Variants in ARHGEF17 observed in about 807,000 individuals in gnomAD.
The protein encoded by ARHGEF17 is 164 kDa Rho-specific guanine-nucleotide exchange factor.
ARHGEF17 carries 80 observed loss-of-function variants against 174.0 expected under a neutral mutation model. The observed-to-expected ratio is 0.46, with a 90% CI of 0.38 to 0.55. The LOEUF (loss-of-function observed/expected upper bound fraction) is 0.55. Among genes scored for constraint, ARHGEF17 ranks in the 20% least tolerant of loss-of-function variants. The pLI is 0.00. For synonymous variants in ARHGEF17, 1,311 were observed against 1,189.1 expected (o/e 1.10, Z -2.11); for missense variants, 2,886 against 2,839.7 (o/e 1.02, Z -0.37).
At chr11:73,347,218 C>T (rs1183963410) in intron 2 of ARHGEF17, 3 of 554,816 alleles carry the variant, frequency 5.4e-6, no homozygotes, top group Non-Finnish European at 9.8e-6. Flanking sequence ...TTCCACGTCC[C>T]CCTGGCAACC....
intron 1 of ARHGEF17, among the ~76,000 whole-genome samples, chr11:73,345,226 T>A (rs1054624922): frequency 6.6e-6 from 1 of 152,100 alleles, no homozygotes; most frequent in South Asian, 2.1e-4. Context: ...TCTGCTTGTC[T>A]CCAGAGGCTC....
In ARHGEF17 at chr11:73,311,137, C is replaced by A; in HGVS notation, c.2499C>A (p.Arg833=). The A allele has an allele frequency of 6.3e-7, 1 of 1,599,204 alleles. No homozygotes were observed. Among genetic ancestry groups the A allele is most frequent in the East Asian group, 2.2e-5 (1 of 44,588 alleles). ...AGAAATCCCTGAGTGACCCCAGCCG[C>A]CGTGGGGAGCTGGCTGGGCCTGGAT... The part of the protein sequence containing the change: ...PKKKSLSDPS[R]RGELAGPGFE... Residue 833 remains arginine (R), a synonymous_variant, in exon 1 of 21, where the codon CGC becomes CGA. Coordinates refer to ENST00000263674, the MANE Select transcript of ARHGEF17 (RefSeq NM_014786.4).
intron 1 of ARHGEF17, among the ~76,000 whole-genome samples, chr11:73,322,148 C>T (rs1488203316): frequency 6.6e-6 from 1 of 152,164 alleles, no homozygotes; most frequent in African/African-American, 2.4e-5. Flanking sequence ...TGGGGAGGGA[C>T]GCCTTCCCCC....
In ARHGEF17 at chr11:73,356,270, G is replaced by C; in HGVS notation, c.3759G>C (p.Lys1253Asn). Residue 1253 changes from lysine to asparagine, a missense_variant, in exon 6 of 21, where the codon AAG becomes AAC. By Grantham distance (94) the Lys-to-Asn change is moderately conservative (BLOSUM62 0). This residue lies in a region of ARHGEF17 where 353 missense variants were observed against 470.3 expected (regional missense o/e 0.75). Coordinates refer to ENST00000263674, the MANE Select transcript of ARHGEF17 (RefSeq NM_014786.4). ...NIKQVAERIN[K>N]GVRSAEEAER... ...AGCAGGTGGCTGAGCGCATCAACAA[G>C]GGTGTGCGGAGTGCCGAGGAGGCGG... is the stretch of plus-strand genomic sequence containing the variant. 1 of 1,613,876 alleles carries C rather than the reference G, an allele frequency of 6.2e-7. No individual in the cohort carries two copies. The highest frequency in any genetic ancestry group is 8.5e-7 in the Non-Finnish European group (1 of 1,180,032).
At position 73,362,625 on chromosome 11, in the gene ARHGEF17, C is replaced by T; in HGVS notation, c.4887C>T (p.Arg1629=). 6.2e-7 allele frequency: 1 copy of T among 1,611,490 alleles called. No individual in the cohort carries two copies. Among genetic ancestry groups the T allele is most frequent in the Non-Finnish European group, 8.5e-7 (1 of 1,180,004 alleles). ...CGGGCCTCGGCGAGGGTGACCCCCG[C>T]CCAGAGCTGGTGCCCTTTGACAGTG... The part of the protein sequence containing the change: ...MTPGLGEGDP[R]PELVPFDSDS... The change falls in exon 14 of 21, where the codon CGC becomes CGT. Residue 1629 remains arginine (R), a synonymous_variant. Coordinates refer to ENST00000263674, the MANE Select transcript of ARHGEF17 (RefSeq NM_014786.4).
At chr11:73,343,022 G>A (rs1461044873) in intron 1 of ARHGEF17, 1 of 259,650 alleles carries the variant, frequency 3.9e-6, no homozygotes, top group Non-Finnish European at 7.3e-6. Flanking sequence ...TGCGGCTGCC[G>A]CCGCGGCCGG....
intron 1 of ARHGEF17, among the ~76,000 whole-genome samples, chr11:73,334,933 G>A (rs568607520): frequency 1.3e-5 from 2 of 152,238 alleles, no homozygotes; most frequent in East Asian, 3.8e-4. Flanking sequence ...GAGGCTGAAC[G>A]GTGGTGGTCC....
intron 2 of ARHGEF17, among the ~76,000 whole-genome samples, 196 bp from the exon 3 acceptor site, chr11:73,352,634 G>C (rs956170895): frequency 3.9e-5 from 6 of 152,188 alleles, no homozygotes; most frequent in African/African-American, 1.4e-4. Flanking sequence ...CAGGCCCTGG[G>C]CTCAGCGATG....
rs1207268148 is a variant in ARHGEF17, at chr11:73,355,605, C to T, written c.3526C>T (p.Arg1176Cys). The T allele has an allele frequency of 1.9e-6, 3 of 1,614,168 alleles. No individual in the cohort carries two copies. Among genetic ancestry groups the T allele is most frequent in the South Asian group, 2.2e-5 (2 of 91,084 alleles). ...DNFLNAKDAVRVAKEARPAFL... is the reference protein window; with the variant it reads ...DNFLNAKDAVCVAKEARPAFL... ...CTTCCTCAATGCAAAGGATGCTGTG[C>T]GTGTGGCCAAGGAGGCGAGGCCTGC... Residue 1176 changes from arginine to cysteine, a missense_variant, in exon 4 of 21, where the codon CGT (arginine) becomes TGT (cysteine). Around this residue, in one of 4 missense-constraint regions of ARHGEF17, gnomAD observed 353 missense variants for 470.3 expected, o/e 0.75. Coordinates refer to ENST00000263674, the MANE Select transcript of ARHGEF17 (RefSeq NM_014786.4).
chr11:73,347,286 C>G (rs1183179871), intron 2 of ARHGEF17: 2 of 440,888 alleles, frequency 4.5e-6, no homozygotes, highest in Non-Finnish European at 8.4e-6. Flanking sequence ...ATTGTATTCA[C>G]TGACTGGGAA....
In ARHGEF17 at chr11:73,308,908, C is replaced by A; in HGVS notation, c.270C>A (p.Asp90Glu). The A allele has an allele frequency of 7.3e-7, 1 of 1,364,304 alleles. No homozygotes were observed. Among genetic ancestry groups the A allele is most frequent in the Non-Finnish European group, 9.4e-7 (1 of 1,064,924 alleles). 84.5% of individuals were successfully genotyped at this position (1,364,304 alleles called of 1,614,324 possible). A position where few individuals can be genotyped will look rare whatever the true frequency, so the allele number is the denominator to read the frequency against. ...TTCGCCAGCTCTCCCGGCGCTTCGA[C>A]GCGCCGCGTCTGGACGACGGCTCCG... ...PSVRQLSRRF[D>E]APRLDDGSAG... is the part of the protein sequence containing the mutation. The change falls in exon 1 of 21, where the codon GAC (aspartate) becomes GAA (glutamate). Residue 90 changes from aspartate (D) to glutamate (E), a missense_variant. Physicochemically the swap from Asp to Glu is conservative, Grantham distance 45 (BLOSUM62 2). Around this residue, in one of 4 missense-constraint regions of ARHGEF17, gnomAD observed 1,728 missense variants for 1,461.2 expected, o/e 1.18. Coordinates refer to ENST00000263674, the MANE Select transcript of ARHGEF17 (RefSeq NM_014786.4).
At position 73,344,955 on chromosome 11, in the gene ARHGEF17, C is replaced by A. The variant is rs571428790; in HGVS notation, c.3193-1928C>A. Among the ~76,000 whole-genome samples the A allele has an allele frequency of 3.9e-5, 6 of 152,292 alleles. No homozygotes were observed. In the South Asian group the frequency reaches 1.2e-3, roughly 32 times the overall value. The stretch of plus-strand genomic sequence containing the variant: ...AGTCATGTCACCTCTCTGACATGAC[C>A]CCTCACCTGTGCAGTGGAAATGGCA... On this transcript the variant is annotated intron_variant, in intron 1 of 20. Coordinates refer to ENST00000263674, the MANE Select transcript of ARHGEF17 (RefSeq NM_014786.4).
Position 73,308,503 on chromosome 11 carries a change from C to T in ARHGEF17, c.-136C>T. The T allele has an allele frequency of 2.6e-6, 2 of 765,308 alleles. No individual in the cohort carries two copies. The highest frequency in any genetic ancestry group is 3.7e-6 in the Non-Finnish European group (2 of 536,954). 47.4% of individuals were successfully genotyped at this position (765,308 alleles called of 1,614,324 possible). Reference sequence around the variant, plus strand: ...GAGCCGCGGCAGAGAAACCTCTGCTCCGGTCTCTGCGTCCTCTTCCCACAC... The same window carrying T: ...GAGCCGCGGCAGAGAAACCTCTGCTTCGGTCTCTGCGTCCTCTTCCCACAC... On this transcript the variant is annotated 5_prime_UTR_variant, in exon 1 of 21. Coordinates refer to ENST00000263674, the MANE Select transcript of ARHGEF17 (RefSeq NM_014786.4).
At chr11:73,322,470 T>C (rs1865032492) in intron 1 of ARHGEF17, among the ~76,000 whole-genome samples, 2 of 152,254 alleles carry the variant, frequency 1.3e-5, no homozygotes, top group Admixed American at 1.3e-4. Flanking sequence ...AGTAGTGGAC[T>C]AGAGCCAGAA....
intron 1 of ARHGEF17, among the ~76,000 whole-genome samples, chr11:73,312,170 G>A (rs1377889256): frequency 1.3e-5 from 2 of 152,182 alleles, no homozygotes; most frequent in Non-Finnish European, 2.9e-5. Context: ...CTTTGTTGGA[G>A]GGATGAGTGT....
In ARHGEF17 at chr11:73,362,479, C is replaced by A; in HGVS notation, c.4741C>A (p.Pro1581Thr). 6.3e-7 allele frequency: 1 copy of A among 1,593,906 alleles called. No homozygotes were observed. Among genetic ancestry groups the A allele is most frequent in the African/African-American group, 1.3e-5 (1 of 74,758 alleles). The change falls in exon 14 of 21, where the codon CCC becomes ACC. Residue 1581 changes from proline (P) to threonine (T), a missense_variant. Around this residue, in one of 4 missense-constraint regions of ARHGEF17, gnomAD observed 476 missense variants for 473.1 expected, o/e 1.01. Coordinates refer to ENST00000263674, the MANE Select transcript of ARHGEF17 (RefSeq NM_014786.4). ...GAGTCCTCCAGAGACGGCACCGGAGCCCGCCGGGCCGGAGCTGGACGTCGA... is the reference window on the plus strand; with the variant it reads ...GAGTCCTCCAGAGACGGCACCGGAGACCGCCGGGCCGGAGCTGGACGTCGA... The part of the protein sequence containing the change: ...LRSPPETAPE[P>T]AGPELDVEAA...
In ARHGEF17 at chr11:73,337,321, C is replaced by T. The variant is rs117503713; in HGVS notation, c.3193-9562C>T. Among the ~76,000 whole-genome samples, 920 of 150,768 alleles carry T rather than the reference C, an allele frequency of 6.1e-3. 9 individuals are homozygous for T. Among genetic ancestry groups the T allele is most frequent in the Middle Eastern group, 0.027 (8 of 292 alleles). On this transcript the variant is annotated intron_variant, in intron 1 of 20. Transcript: ENST00000263674. ...ACTCAGGATGCTGAGACAGGAGGAT[C>T]GCTTGAGCCCAGGAGTTTGAGGTTG...
chr11:73,335,990 C>T (rs1865280988), intron 1 of ARHGEF17, among the ~76,000 whole-genome samples: 1 of 152,224 alleles, frequency 6.6e-6, no homozygotes, highest in Admixed American at 6.5e-5. Flanking sequence ...TTGTGGAAAG[C>T]AGGGAGCAGA....
intron 1 of ARHGEF17, among the ~76,000 whole-genome samples, chr11:73,321,063 A>T (rs981659133): frequency 1.3e-5 from 2 of 152,214 alleles, no homozygotes; most frequent in Non-Finnish European, 2.9e-5. Flanking sequence ...CTAAGGTTTT[A>T]TGATTCTAAG....
Sources: allele counts gnomAD v4.1 joint callset (sites outside exome capture counted in the v4.1 genomes callset), GRCh38; gene constraint gnomAD v4.1.1; regional missense constraint gnomAD v4.1.1; transcripts MANE v1.5; gene names NCBI Gene and HGNC (gene_info 2026-07-23, HGNC 2026-07-21).